The following CRIM1 variants were observed in gnomAD, a reference collection of about 807,000 sequenced individuals.
The protein encoded by CRIM1 is cysteine rich transmembrane BMP regulator 1.
CRIM1 carries 32 observed loss-of-function variants against 116.4 expected under a neutral mutation model. The observed-to-expected ratio is 0.27, with a 90% CI of 0.21 to 0.37. The LOEUF is 0.37. CRIM1 is among the 10% of genes least tolerant of loss of function. The pLI, the probability that CRIM1 is intolerant of heterozygous loss-of-function variation, is 1.00. For synonymous variants in CRIM1, 590 were observed against 509.2 expected, an observed-to-expected ratio of 1.16 and a Z score of -2.13; for missense variants, 1,331 against 1,354.8, an observed-to-expected ratio of 0.98 and a Z score of 0.28.
chr2:36,389,222 G>A (rs1342032298), intron 1 of CRIM1, among the ~76,000 whole-genome samples: 1 of 152,210 alleles, frequency 6.6e-6, no homozygotes, highest in Non-Finnish European at 1.5e-5. Context: ...GAAAGAGAAG[G>A]AAGCACCAGC....
chr2:36,393,211 G>A (rs1475992948), intron 1 of CRIM1, among the ~76,000 whole-genome samples: 1 of 152,188 alleles, frequency 6.6e-6, no homozygotes, highest in Non-Finnish European at 1.5e-5. Flanking sequence ...AGAGAGTAAT[G>A]ATAGATGATG....
At position 36,356,672 on chromosome 2, in the gene CRIM1, C is replaced by G. The variant is rs756704237; in HGVS notation, c.331+49C>G. 7 of 1,538,870 alleles carry G rather than the reference C, an allele frequency of 4.5e-6. No individual in the cohort carries two copies. In the South Asian group the frequency reaches 8.4e-5, roughly 18 times the overall value. The stretch of plus-strand genomic sequence containing the variant: ...CCTCCCACCTGGCCTGCGCCGCCCC[C>G]TCGGCGCTGGTTGTGCCGAACAAAG... On this transcript the variant is annotated intron_variant, in intron 1 of 16. Coordinates refer to ENST00000280527, the MANE Select transcript of CRIM1 (RefSeq NM_016441.3). The surrounding 1 kb of genome is among the most constrained non-coding windows in gnomAD (Gnocchi z 4.3).
At chr2:36,420,942 T>C (rs184368999) in intron 2 of CRIM1, among the ~76,000 whole-genome samples, 112 of 152,306 alleles carry the variant, frequency 7.4e-4, no homozygotes, top group African/African-American at 2.6e-3. Context: ...CTGCCTGTTT[T>C]GCCTCATTCC....
chr2:36,419,163 T>C (rs1467394205), intron 2 of CRIM1, among the ~76,000 whole-genome samples: 8 of 152,140 alleles, frequency 5.3e-5, no homozygotes, highest in Non-Finnish European at 1.2e-4. Context: ...AAGAGGGAGG[T>C]GTCCTAAGGT....
At chr2:36,432,746 A>G (rs1219882255) in intron 2 of CRIM1, among the ~76,000 whole-genome samples, 1 of 152,066 alleles carries the variant, frequency 6.6e-6, no homozygotes, top group Non-Finnish European at 1.5e-5. Flanking sequence ...TCCCTAGAAC[A>G]ATAGGTCAGC....
rs372538048 is a variant in CRIM1, at chr2:36,435,351, A to T, written c.506-5907A>T. Among the ~76,000 whole-genome samples the T allele has an allele frequency of 3.0e-5, 4 of 132,144 alleles. No homozygotes were observed. The South Asian group carries it at 9.3e-4, about 31-fold the overall frequency. The allele number at this position is 132,144 out of a possible 152,430, so 86.7% of individuals were successfully genotyped here. ...CTCACTGTGTGTGTGTGTGTGTGTG[A>T]GTGAGAGAGAGACAGAGAGAGAGAA... On this transcript the variant is annotated intron_variant, in intron 2 of 16. Coordinates refer to ENST00000280527, the MANE Select transcript of CRIM1 (RefSeq NM_016441.3).
intron 4 of CRIM1, among the ~76,000 whole-genome samples, chr2:36,450,323 T>C (rs1414974263): frequency 1.3e-5 from 2 of 152,204 alleles, no homozygotes; most frequent in Non-Finnish European, 2.9e-5. Context: ...GTTTCTCCCC[T>C]TCTGTTGCCA....
chr2:36,477,195 T>C (rs1288396680), intron 6 of CRIM1, 124 bp downstream of exon 6: 11 of 741,922 alleles, frequency 1.5e-5, no homozygotes, highest in Non-Finnish European at 2.1e-5. Flanking sequence ...TTTTAGCCTT[T>C]TTTAAGACAC....
rs533396346 is a variant in CRIM1 at position 36,427,669 on chromosome 2, C to T, written c.506-13589C>T. 3.9e-5 allele frequency among the ~76,000 whole-genome samples: 6 copies of T among 152,318 alleles called. No individual in the cohort carries two copies. In the East Asian group the frequency reaches 9.7e-4, roughly 25 times the overall value. Reference sequence around the variant, plus strand: ...CTTCTGAATGGGTTAAGGAGACTGCCAGAGGTCTAAACTTCTGGGGATTCA... The same window carrying T: ...CTTCTGAATGGGTTAAGGAGACTGCTAGAGGTCTAAACTTCTGGGGATTCA... On this transcript the variant is annotated intron_variant, in intron 2 of 16. Coordinates refer to ENST00000280527, the MANE Select transcript of CRIM1 (RefSeq NM_016441.3).
intron 13 of CRIM1, among the ~76,000 whole-genome samples, chr2:36,522,955 G>T (rs1350464386): frequency 2.7e-5 from 4 of 148,122 alleles, no homozygotes; most frequent in Admixed American, 6.7e-5. Flanking sequence ...TTTTACAGTG[G>T]TTTTTTTTTT....
intron 10 of CRIM1, chr2:36,513,113 T>A (rs560631480): frequency 1.0e-5 from 2 of 199,792 alleles, no homozygotes; most frequent in South Asian, 1.9e-4. Context: ...TCTAAGGGGT[T>A]GGAGTAAACA....
chr2:36,413,038 A>T (rs1673328318), intron 2 of CRIM1, among the ~76,000 whole-genome samples: 1 of 152,238 alleles, frequency 6.6e-6, no homozygotes, highest in African/African-American at 2.4e-5. Flanking sequence ...TAAATGTGAA[A>T]TGGGCTTACG....
At chr2:36,396,821 A>T in intron 2 of CRIM1, 34 bp downstream of exon 2, 1 of 1,562,048 alleles carries the variant, frequency 6.4e-7, no homozygotes, top group Non-Finnish European at 8.8e-7. Context: ...ATCCAGTCGT[A>T]AGCCTTAGCA....
chr2:36,399,859 G>A (rs1463914516), intron 2 of CRIM1, among the ~76,000 whole-genome samples: 3 of 152,308 alleles, frequency 2.0e-5, no homozygotes, highest in South Asian at 2.1e-4. Flanking sequence ...AAGAGAAAGA[G>A]GAAAATGTAA....
At chr2:36,388,154 G>C (rs541708906) in intron 1 of CRIM1, among the ~76,000 whole-genome samples, 1 of 152,228 alleles carries the variant, frequency 6.6e-6, no homozygotes, top group Non-Finnish European at 1.5e-5. Flanking sequence ...AGTAGAGACA[G>C]TTGTGTAATG....
chr2:36,505,347 G>T (rs967751359), intron 8 of CRIM1, among the ~76,000 whole-genome samples: 7 of 151,542 alleles, frequency 4.6e-5, no homozygotes, highest in Non-Finnish European at 1.0e-4. Context: ...GAGGCTAATT[G>T]ATATAAACAA....
chr2:36,544,111 C>CA (rs1667145876), intron 14 of CRIM1, among the ~76,000 whole-genome samples: 1 of 152,184 alleles, frequency 6.6e-6, no homozygotes, highest in African/African-American at 2.4e-5. Context: ...ATAAAACCAA[C>CA]ACCATTTGAC....
chr2:36,419,066 T>C lies in CRIM1; in HGVS notation c.506-22192T>C, dbSNP rs1055738481. On this transcript the variant is annotated intron_variant, in intron 2 of 16. Coordinates refer to ENST00000280527, the MANE Select transcript of CRIM1 (RefSeq NM_016441.3). ...ACAGTATCCCTGTAATAAATATAAG[T>C]GGAATTTGCTAATTAAATGCTAGCA... Among the ~76,000 whole-genome samples the C allele has an allele frequency of 3.3e-5, 5 of 152,200 alleles. 1 individual carries two copies. The highest frequency in any genetic ancestry group is 1.2e-4 in the African/African-American group (5 of 41,442).
chr2:36,522,368 A>G, intron 13 of CRIM1, 55 bp downstream of exon 13: 1 of 1,312,838 alleles, frequency 7.6e-7, no homozygotes, highest in Non-Finnish European at 1.1e-6. Context: ...CTAAATCTGT[A>G]TTGACAGCCA....
Sources: gnomAD v4.1 joint callset for allele counts (sites outside exome capture counted in the v4.1 genomes callset) on GRCh38, gnomAD v4.1.1 for gene constraint, Gnocchi (gnomAD v3.1) non-coding constraint, MANE v1.5 for transcripts, NCBI Gene and HGNC (gene_info 2026-07-23, HGNC 2026-07-21) for gene names.